Variants in RFC4 observed in about 807,000 individuals in gnomAD.
RFC4 encodes the protein A1 37 kDa subunit.
RFC4 carries 38 observed loss-of-function variants against 47.6 expected under a neutral mutation model. The observed-to-expected ratio is 0.80, with a 90% CI of 0.62 to 1.05. The LOEUF (loss-of-function observed/expected upper bound fraction) is 1.05. RFC4 is among the 50% of genes least tolerant of loss of function. The pLI is 0.00. For missense variants in RFC4, 489 were observed against 434.0 expected (o/e 1.13, Z -1.13); for synonymous variants, 164 against 150.0 (o/e 1.09, Z -0.68).
intron 1 of RFC4, chr3:186,805,008 T>G: frequency 3.8e-6 from 1 of 262,212 alleles, no homozygotes; most frequent in Non-Finnish European, 7.2e-6. Context: ...AAAGATCATA[T>G]GTCACAAAAA....
chr3:186,797,905 G>C (rs1448489346), intron 3 of RFC4, among the ~76,000 whole-genome samples: 1 of 152,094 alleles, frequency 6.6e-6, no homozygotes, highest in African/African-American at 2.4e-5. Context: ...TTCAAAGCTG[G>C]AATGAGAAAC....
chr3:186,800,429 T>C (rs904387938), intron 3 of RFC4, among the ~76,000 whole-genome samples: 2 of 152,164 alleles, frequency 1.3e-5, no homozygotes, highest in African/African-American at 2.4e-5. Context: ...AGCAGCCAGA[T>C]TGAGAGGAAG....
Position 186,793,945 on chromosome 3 carries a change from A to G in RFC4, c.410+713T>C, listed in dbSNP as rs914426758. ...CACCATGTTCGCCAGGATGGTCTCG[A>G]TCTCCTGACCTTGTGATCCACCTGC... is the stretch of plus-strand genomic sequence containing the variant. On this transcript the variant is annotated intron_variant, in intron 5 of 10. Transcript: ENST00000296273. This position sits in a 1 kb window ranked among gnomAD's most constrained non-coding sequence, Gnocchi z 4.2. Among the ~76,000 whole-genome samples the G allele has an allele frequency of 2.0e-5, 3 of 152,128 alleles. No homozygotes were observed. The highest frequency in any genetic ancestry group is 4.4e-5 in the Non-Finnish European group (3 of 68,026).
chr3:186,790,249 T>C lies in RFC4; in HGVS notation c.889A>G (p.Ile297Val), dbSNP rs1359370952. 1.2e-6 allele frequency: 2 copies of C among 1,613,058 alleles called. No individual in the cohort carries two copies. Among genetic ancestry groups the C allele is most frequent in the South Asian group, 2.2e-5 (2 of 91,002 alleles). ...DKLEAVVKDL[I>V]DEGHAATQLV... is the part of the protein sequence containing the mutation. ...TGAGTTGCTGCATGACCCTCATCTATTAAATCCTATAATAAAAAAAACTTT... is the reference window on the plus strand; with the variant it reads ...TGAGTTGCTGCATGACCCTCATCTACTAAATCCTATAATAAAAAAAACTTT... The change falls in exon 10 of 11, where the codon ATA (isoleucine) becomes GTA (valine). Residue 297 changes from isoleucine (I) to valine (V), a missense_variant. Ile to Val is a conservative substitution (Grantham distance 29). Around this residue, in one of 2 missense-constraint regions of RFC4, gnomAD observed 283 missense variants for 176.2 expected, o/e 1.61. Transcript: ENST00000296273.
At chr3:186,802,023 C>CAA (rs34264551) in intron 2 of RFC4, among the ~76,000 whole-genome samples, 35,327 of 91,578 alleles carry the variant, frequency 0.39, 5,566 homozygotes, top group Non-Finnish European at 0.42. Flanking sequence ...AACTTTATCT[C>CAA]AAAAAAAAAA....
intron 7 of RFC4, 31 bp from the exon 8 acceptor site, chr3:186,791,881 G>A: frequency 6.3e-7 from 1 of 1,574,892 alleles, no homozygotes; most frequent in Non-Finnish European, 8.7e-7. Context: ...TTTAACCTAT[G>A]ATGGCCAATT....
chr3:186,795,110 T>C (rs560322178), intron 4 of RFC4, among the ~76,000 whole-genome samples: 1 of 152,326 alleles, frequency 6.6e-6, no homozygotes, highest in African/African-American at 2.4e-5. Flanking sequence ...GCTCAAATGA[T>C]CCTCCCACCT....
chr3:186,792,374 G>T (rs1433852229), intron 7 of RFC4, 116 bp downstream of exon 7: 9 of 823,166 alleles, frequency 1.1e-5, no homozygotes, highest in Non-Finnish European at 1.5e-5. Flanking sequence ...GCTTAAGTTT[G>T]TCTGAAGAAC....
intron 1 of RFC4, chr3:186,804,949 A>G: frequency 2.7e-6 from 1 of 377,282 alleles, no homozygotes; most frequent in Admixed American, 4.4e-5. Context: ...AAAGTGGTCA[A>G]AGTCCCTAAC....
rs749586814 is a variant in RFC4, at chr3:186,789,961, T to C, written c.*8A>G. On this transcript the variant is annotated 3_prime_UTR_variant, in exon 11 of 11. Transcript: ENST00000296273. The stretch of plus-strand genomic sequence containing the variant: ...ATTTACAAAACCCCCCATCCAGATA[T>C]ATTCACGTTAACAATTCTGAGATAA... The C allele has an allele frequency of 3.4e-5, 53 of 1,552,624 alleles. No homozygotes were observed. The highest frequency in any genetic ancestry group is 1.7e-4 in the Middle Eastern group (1 of 5,948).
At chr3:186,791,270 A>G (rs266753) in intron 8 of RFC4, 81,980 of 171,506 alleles carry the variant, frequency 0.48, 19,784 homozygotes, top group Admixed American at 0.49. Context: ...GGATCACCTG[A>G]GGTCAGGAGT....
chr3:186,800,834 TTGTCTTGTTCTATGTTTTA>T (rs1351934661), intron 3 of RFC4, among the ~76,000 whole-genome samples: 2 of 152,220 alleles, frequency 1.3e-5, no homozygotes, highest in Admixed American at 6.5e-5. Context: ...GGGGCATAGT[TTGTCTTGTTCTATGTTTTA>T]TGTCTTGTTC....
Position 186,796,436 on chromosome 3 carries a change from C to T in RFC4, c.290+1099G>A. Among the ~76,000 whole-genome samples, 1 of 152,070 alleles carries T rather than the reference C, an allele frequency of 6.6e-6. No homozygotes were observed. The highest frequency in any genetic ancestry group is 2.4e-5 in the African/African-American group (1 of 41,530). On this transcript the variant is annotated intron_variant, in intron 4 of 10. Transcript: ENST00000296273. The surrounding 1 kb of genome is among the most constrained non-coding windows in gnomAD (Gnocchi z 4.2). ...TAGCAGCTTCTCCCTTTGTCTTTTA[C>T]ATTTTGACATAACTAATAATCCTTA...
rs3917092 is a variant in RFC4 at position 186,805,809 on chromosome 3, A to G, written c.-12+481T>C. On this transcript the variant is annotated intron_variant, in intron 1 of 10. Coordinates refer to ENST00000296273, the MANE Select transcript of RFC4 (RefSeq NM_002916.5). Reference sequence around the variant, plus strand: ...GCCTGAAAAGTCCCCGGTTAATTCTATTTTTTTCACTGCTACATGCCCTGG... The same window carrying G: ...GCCTGAAAAGTCCCCGGTTAATTCTGTTTTTTTCACTGCTACATGCCCTGG... Among the ~76,000 whole-genome samples the G allele has an allele frequency of 3.9e-3, 594 of 152,108 alleles. 6 individuals are homozygous for G. The highest frequency in any genetic ancestry group is 0.013 in the African/African-American group (552 of 41,496).
rs764070917 is a variant in RFC4 at position 186,804,700 on chromosome 3, A to T, written c.14T>A (p.Leu5His). 6.2e-7 allele frequency: 1 copy of T among 1,613,262 alleles called. No homozygotes were observed. The highest frequency in any genetic ancestry group is 8.5e-7 in the Non-Finnish European group (1 of 1,179,600). MQAFLKGTSISTKPP... is the reference protein window; with the variant it reads MQAFHKGTSISTKPP... The stretch of plus-strand genomic sequence containing the variant: ...TTTAGTACTGATGGATGTACCTTTA[A>T]GAAATGCTTGCATGGTACTTCACCC... The change falls in exon 2 of 11, where the codon CTT (leucine) becomes CAT (histidine). Residue 5 changes from leucine (L) to histidine (H), a missense_variant. Leu to His is a moderately conservative substitution (Grantham distance 99). This residue lies in a region of RFC4 where 206 missense variants were observed against 257.8 expected (regional missense o/e 0.80). Coordinates refer to ENST00000296273, the MANE Select transcript of RFC4 (RefSeq NM_002916.5).
intron 3 of RFC4, among the ~76,000 whole-genome samples, chr3:186,798,170 C>T (rs964869690): frequency 6.6e-6 from 1 of 152,184 alleles, no homozygotes; most frequent in African/African-American, 2.4e-5. Flanking sequence ...CACTGCTCCA[C>T]ATCATGATTA....
In RFC4 at chr3:186,789,964, T is replaced by C; in HGVS notation, c.*5A>G. The C allele has an allele frequency of 6.4e-7, 1 of 1,573,072 alleles. No individual in the cohort carries two copies. The highest frequency in any genetic ancestry group is 8.7e-7 in the Non-Finnish European group (1 of 1,143,546). Reference sequence around the variant, plus strand: ...TACAAAACCCCCCATCCAGATATATTCACGTTAACAATTCTGAGATAACTG... The same window carrying C: ...TACAAAACCCCCCATCCAGATATATCCACGTTAACAATTCTGAGATAACTG... On this transcript the variant is annotated 3_prime_UTR_variant, in exon 11 of 11. Coordinates refer to ENST00000296273, the MANE Select transcript of RFC4 (RefSeq NM_002916.5).
In RFC4 at chr3:186,792,784, C is replaced by A; in HGVS notation, c.554+20G>T. 3 of 1,597,602 alleles carry A rather than the reference C, an allele frequency of 1.9e-6. No homozygotes were observed. The highest frequency in any genetic ancestry group is 1.1e-5 in the South Asian group (1 of 88,248). The stretch of plus-strand genomic sequence containing the variant: ...GAAAATAAGGCTGCCTAGCATCTGT[C>A]TTCAGGGCAATATACATACCGACTG... On this transcript the variant is annotated intron_variant, in intron 6 of 10. Coordinates refer to ENST00000296273, the MANE Select transcript of RFC4 (RefSeq NM_002916.5).
rs1722437786 is a variant in RFC4 at position 186,804,690 on chromosome 3, T to C, written c.24A>G (p.Thr8=). The change falls in exon 2 of 11, where the codon ACA becomes ACG. Residue 8 remains threonine (T), a synonymous_variant. Transcript: ENST00000296273. ...TCAGCGGGGGTTTAGTACTGATGGA[T>C]GTACCTTTAAGAAATGCTTGCATGG... MQAFLKG[T]SISTKPPLTK... 6.2e-7 allele frequency: 1 copy of C among 1,613,496 alleles called. No individual in the cohort carries two copies.
Sources: gnomAD v4.1 joint callset for allele counts (sites outside exome capture counted in the v4.1 genomes callset) on GRCh38, gnomAD v4.1.1 for gene constraint, gnomAD v4.1.1 regional missense constraint, Gnocchi (gnomAD v3.1) non-coding constraint, MANE v1.5 for transcripts, NCBI Gene and HGNC (gene_info 2026-07-23, HGNC 2026-07-21) for gene names.